RHOC: variants seen among roughly 807,000 people sequenced by gnomAD.
The protein encoded by RHOC is ras homolog family member C, also known as rho-related GTP-binding protein RhoC.
A neutral mutation model predicts 19.5 loss-of-function variants in RHOC; 13 were observed. That is an observed-to-expected ratio of 0.67 (90% CI 0.43 to 1.06). The LOEUF is 1.06. RHOC is among the 50% of genes least tolerant of loss of function. The probability of loss-of-function intolerance (pLI) is 0.00; values close to 1 mark genes in which losing one functional copy is unlikely to be tolerated. For synonymous variants in RHOC, 106 were observed against 97.3 expected, an observed-to-expected ratio of 1.09 and a Z score of -0.52; for missense variants, 173 against 256.9, an observed-to-expected ratio of 0.67 and a Z score of 2.23.
intron 5 of RHOC, among the ~76,000 whole-genome samples, chr1:112,701,948 T>C (rs1173384484): frequency 1.3e-5 from 2 of 152,082 alleles, no homozygotes; most frequent in East Asian, 3.9e-4. Flanking sequence ...CCCCTGGTTC[T>C]CTTGCCTGAA....
At chr1:112,705,500 C>T in intron 1 of RHOC, 1 of 534,106 alleles carries the variant, frequency 1.9e-6, no homozygotes, top group Non-Finnish European at 3.6e-6. Flanking sequence ...GTTTTGTGGA[C>T]ATGAGTCAGA....
intron 5 of RHOC, among the ~76,000 whole-genome samples, 160 bp from the exon 6 acceptor site, chr1:112,701,873 G>A (rs1557777902): frequency 6.6e-6 from 1 of 151,906 alleles, no homozygotes; most frequent in African/African-American, 2.4e-5. Context: ...CGTGGCCAGG[G>A]ATCCAAAAAT....
intron 3 of RHOC, 65 bp downstream of exon 3, chr1:112,703,579 T>C (rs537778754): frequency 2.6e-4 from 339 of 1,297,748 alleles, no homozygotes; most frequent in Non-Finnish European, 3.6e-4. Flanking sequence ...AAGGACATAC[T>C]AGGTCATTCA....
intron 2 of RHOC, 107 bp from the exon 3 acceptor site, chr1:112,703,913 C>T: frequency 9.8e-7 from 1 of 1,024,882 alleles, no homozygotes; most frequent in Non-Finnish European, 1.4e-6. Context: ...AGCAAAGGGA[C>T]AGGGGGCTTG....
At chr1:112,704,960 C>A in intron 2 of RHOC, 140 bp downstream of exon 2, 1 of 640,360 alleles carries the variant, frequency 1.6e-6, no homozygotes, top group Non-Finnish European at 2.9e-6. Context: ...GCCCACCCCT[C>A]CCTGTGACTC....
intron 1 of RHOC, among the ~76,000 whole-genome samples, chr1:112,706,482 A>ACCACACACACACACACCCCCACAC (rs776494527): frequency 4.7e-4 from 9 of 19,034 alleles, no homozygotes; most frequent in Non-Finnish European, 8.2e-4. Context: ...ACACACACAC[A>ACCACACACACACACACCCCCACAC]CACACACACA....
chr1:112,702,751 T>TGG, intron 4 of RHOC, 58 bp from the exon 5 acceptor site: 1 of 1,605,508 alleles, frequency 6.2e-7, no homozygotes. Context: ...AAAGCTCCCC[T>TGG]GGGGGGGCCC....
chr1:112,706,430 T>TCTACACACACACACACACAC lies in RHOC; in HGVS notation c.-77+647_-77+648insGTGTGTGTGTGTGTGTGTAG, dbSNP rs1491269480. Among the ~76,000 whole-genome samples the TCTACACACACACACACACAC allele has an allele frequency of 1.6e-4, 8 of 49,698 alleles. 1 individual carries two copies. The highest frequency in any genetic ancestry group is 2.4e-4 in the Non-Finnish European group (6 of 24,676). 32.6% of individuals were successfully genotyped at this position (49,698 alleles called of 152,430 possible). The stretch of plus-strand genomic sequence containing the variant: ...CATTTTCTCTCTCTCTCTCTCTCTC[T>TCTACACACACACACACACAC]ACACACACACACACACACACACACA... On this transcript the variant is annotated intron_variant, in intron 1 of 5. Coordinates refer to ENST00000339083, the MANE Select transcript of RHOC (RefSeq NM_175744.5).
At chr1:112,703,954 T>G (rs987830830) in intron 2 of RHOC, 148 bp from the exon 3 acceptor site, 2 of 688,902 alleles carry the variant, frequency 2.9e-6, no homozygotes, top group Admixed American at 2.9e-5. Context: ...ACACCAATTG[T>G]GCGACAACAG....
At position 112,702,643 on chromosome 1, in the gene RHOC, C is replaced by T; in HGVS notation, c.328G>A (p.Val110Met). 9 of 1,614,040 alleles carry T rather than the reference C, an allele frequency of 5.6e-6. No individual in the cohort carries two copies. The highest frequency in any genetic ancestry group is 7.6e-6 in the Non-Finnish European group (9 of 1,179,916). ...TPEVKHFCPN[V>M]PIILVGNKKD... ...TTATTCCCCACCAGGATGATGGGCA[C>T]GTTGGGGCAGAAGTGCTTCACCTCT... The change falls in exon 5 of 6, where the codon GTG becomes ATG. Residue 110 changes from valine (V) to methionine (M), a missense_variant. This residue lies in a region of RHOC where 92 missense variants were observed against 171.1 expected (regional missense o/e 0.54). Transcript: ENST00000339083.
chr1:112,703,349 T>C (rs1674726488), intron 3 of RHOC: 2 of 708,940 alleles, frequency 2.8e-6, no homozygotes, highest in South Asian at 3.1e-5. Flanking sequence ...TTATTTTGGT[T>C]AATTCTCACA....
chr1:112,703,177 G>A (rs1674716923), intron 3 of RHOC, 58 bp from the exon 4 acceptor site: 4 of 1,603,676 alleles, frequency 2.5e-6, no homozygotes, highest in Admixed American at 1.7e-5. Context: ...CCACCCAAAG[G>A]TCCCCTGAAA....
In RHOC at chr1:112,701,461, T is replaced by C. The variant is rs780751103; in HGVS notation, c.*79A>G. 4.3e-6 allele frequency: 7 copies of C among 1,613,510 alleles called. No individual in the cohort carries two copies. The East Asian group carries it at 6.7e-5, about 15-fold the overall frequency. ...AATGGGAGCCTTCAGCATGGAGCCC[T>C]CAGGAGGCTGGGGTTGTAGGGGGAT... On this transcript the variant is annotated 3_prime_UTR_variant, in exon 6 of 6. Coordinates refer to ENST00000339083, the MANE Select transcript of RHOC (RefSeq NM_175744.5).
chr1:112,706,464 CCACACACACACACACACACACACACA>C (rs57078670), intron 1 of RHOC, among the ~76,000 whole-genome samples: 1,606 of 22,742 alleles, frequency 0.071, 39 homozygotes, highest in East Asian at 0.1. Flanking sequence ...CACACACACA[CCACACACACACACACACACACACACA>C]CACACACACA....
upstream of RHOC, chr1:112,707,137 G>A (rs991674680): frequency 2.4e-4 from 36 of 151,188 alleles, no homozygotes; most frequent in Admixed American, 1.4e-3. Flanking sequence ...TGACCCCAGG[G>A]CCCCGCCCCG....
At position 112,702,703 on chromosome 1, in the gene RHOC, C is replaced by T. The variant is rs1044998289; in HGVS notation, c.278-10G>A. 6.2e-7 allele frequency: 1 copy of T among 1,614,032 alleles called. No individual in the cohort carries two copies. On this transcript the variant is annotated splice_polypyrimidine_tract_variant and intron_variant, in intron 4 of 5. Coordinates refer to ENST00000339083, the MANE Select transcript of RHOC (RefSeq NM_175744.5). ...TTCTCAGGAATGTTTTCTGTGTAGA[C>T]ATGCACCAACAGGTGTCGGTGCCTC...
chr1:112,706,499 CA>C (rs1351697601), intron 1 of RHOC, among the ~76,000 whole-genome samples: 3 of 59,920 alleles, frequency 5.0e-5, no homozygotes, highest in South Asian at 7.9e-4. Context: ...CACACACACA[CA>C]CACACACACA....
chr1:112,701,358 C>T lies in RHOC; in HGVS notation c.*182G>A, dbSNP rs1022939745. On this transcript the variant is annotated 3_prime_UTR_variant, in exon 6 of 6. Coordinates refer to ENST00000339083, the MANE Select transcript of RHOC (RefSeq NM_175744.5). ...AAGGGCAGGGCATAGGCGTGGCTCC[C>T]AGAGCGCTGGGAGGGAGGGCCCGTG... 8.4e-5 allele frequency: 127 copies of T among 1,503,650 alleles called. No homozygotes were observed. Among genetic ancestry groups the T allele is most frequent in the Non-Finnish European group, 9.4e-5 (105 of 1,121,456 alleles). The allele number at this position is 1,503,650 out of a possible 1,614,324, so 93.1% of individuals were successfully genotyped here. A position where few individuals can be genotyped will look rare whatever the true frequency, so the allele number is the denominator to read the frequency against.
At chr1:112,706,450 CACACACACACACACCACACACACA>C (rs1557780462) in intron 1 of RHOC, among the ~76,000 whole-genome samples, 5 of 43,626 alleles carry the variant, frequency 1.1e-4, no homozygotes, top group African/African-American at 3.7e-4. Flanking sequence ...CACACACACA[CACACACACACACACCACACACACA>C]CACACACACA....
Sources: gnomAD v4.1 joint callset for allele counts (sites outside exome capture counted in the v4.1 genomes callset) on GRCh38, gnomAD v4.1.1 for gene constraint, gnomAD v4.1.1 regional missense constraint, MANE v1.5 for transcripts, NCBI Gene and HGNC (gene_info 2026-07-23, HGNC 2026-07-21) for gene names.